The following ACTL8 variants were observed in gnomAD, a reference collection of about 807,000 sequenced individuals.
ACTL8 encodes actin-like protein 8.
ACTL8 carries 3 observed loss-of-function variants against 9.3 expected under a neutral mutation model. The observed-to-expected ratio is 0.32, with a 90% CI of 0.15 to 0.83. ACTL8 has a LOEUF of 0.83. Among genes scored for constraint, ACTL8 ranks in the 40% least tolerant of loss-of-function variants. The pLI is 0.57. For synonymous variants in ACTL8, 224 were observed against 205.9 expected (o/e 1.09, Z -0.75); for missense variants, 381 against 492.2 (o/e 0.77, Z 2.14).
chr1:17,814,119 TCAAC>T (rs2066409515), intron 1 of ACTL8, among the ~76,000 whole-genome samples: 1 of 152,240 alleles, frequency 6.6e-6, no homozygotes, highest in Non-Finnish European at 1.5e-5. Context: ...GACATTTTGA[TCAAC>T]CACAGATGGC....
intron 1 of ACTL8, among the ~76,000 whole-genome samples, chr1:17,779,596 A>T (rs2066140408): frequency 6.6e-6 from 1 of 152,194 alleles, no homozygotes; most frequent in Non-Finnish European, 1.5e-5. Context: ...CAAAGCGCTA[A>T]GATGAGCTGG....
intron 2 of ACTL8, among the ~76,000 whole-genome samples, chr1:17,824,068 G>C (rs1457775408): frequency 6.6e-6 from 1 of 152,164 alleles, no homozygotes; most frequent in East Asian, 1.9e-4. Context: ...GAACCTGTTT[G>C]AAGAGAGCGC....
intron 1 of ACTL8, among the ~76,000 whole-genome samples, chr1:17,821,798 G>A (rs1313230727): frequency 1.3e-5 from 2 of 152,068 alleles, no homozygotes; most frequent in African/African-American, 4.8e-5. Flanking sequence ...GCTAATTTTT[G>A]TACTTCTAGT....
Position 17,764,442 on chromosome 1 carries a change from C to T in ACTL8, c.-25+8938C>T, listed in dbSNP as rs1427822013. ...AACTGGGGGTTCACTTCTTTCCAGCCCAATGTTTCTTCTTATTGCTCTGTT... is the reference window on the plus strand; with the variant it reads ...AACTGGGGGTTCACTTCTTTCCAGCTCAATGTTTCTTCTTATTGCTCTGTT... On this transcript the variant is annotated intron_variant, in intron 1 of 2. Transcript: ENST00000375406. Among the ~76,000 whole-genome samples, 2 of 152,102 alleles carry T rather than the reference C, an allele frequency of 1.3e-5. 1 individual carries two copies. The highest frequency in any genetic ancestry group is 1.3e-4 in the Admixed American group (2 of 15,272).
intron 1 of ACTL8, among the ~76,000 whole-genome samples, chr1:17,803,832 G>A (rs1345523069): frequency 2.0e-5 from 3 of 152,184 alleles, no homozygotes; most frequent in East Asian, 1.9e-4. Context: ...GGACTTTTGA[G>A]CCAGCAAGAC....
intron 1 of ACTL8, among the ~76,000 whole-genome samples, chr1:17,821,714 C>T (rs1160105633): frequency 2.6e-5 from 4 of 152,028 alleles, no homozygotes; most frequent in African/African-American, 4.8e-5. Flanking sequence ...CTGCAACATC[C>T]GCCTCCCGGT....
At chr1:17,814,426 C>G (rs2066411660) in intron 1 of ACTL8, among the ~76,000 whole-genome samples, 1 of 152,162 alleles carries the variant, frequency 6.6e-6, no homozygotes, top group South Asian at 2.1e-4. Flanking sequence ...TAGCAAGACT[C>G]TATATCTACC....
In ACTL8 at chr1:17,787,307, G is replaced by A. The variant is rs1051572773; in HGVS notation, c.-25+31803G>A. Among the ~76,000 whole-genome samples the A allele has an allele frequency of 2.0e-5, 3 of 151,754 alleles. No homozygotes were observed. The South Asian group carries it at 6.3e-4, about 32-fold the overall frequency. On this transcript the variant is annotated intron_variant, in intron 1 of 2. Transcript: ENST00000375406. Reference sequence around the variant, plus strand: ...TTTGAGACAGTCTCATTCTGTCACTGGGGCTGGAGTGCAGTGGAGTTATCT... The same window carrying A: ...TTTGAGACAGTCTCATTCTGTCACTAGGGCTGGAGTGCAGTGGAGTTATCT...
intron 1 of ACTL8, among the ~76,000 whole-genome samples, chr1:17,792,737 C>T (rs1452904762): frequency 6.6e-6 from 1 of 152,156 alleles, no homozygotes; most frequent in African/African-American, 2.4e-5. Flanking sequence ...TCCTGCTCAT[C>T]GTGATGACTT....
intron 1 of ACTL8, among the ~76,000 whole-genome samples, chr1:17,791,694 G>A (rs745404900): frequency 2.6e-4 from 40 of 152,324 alleles, no homozygotes; most frequent in Admixed American, 1.6e-3. Context: ...TGGGCACCAG[G>A]CCCCGAAGCC....
intron 1 of ACTL8, among the ~76,000 whole-genome samples, chr1:17,761,009 G>GC (rs2065998117): frequency 6.6e-6 from 1 of 152,162 alleles, no homozygotes; most frequent in Non-Finnish European, 1.5e-5. Flanking sequence ...ATTGGAGGGA[G>GC]CCAGGTCCCT....
At chr1:17,782,514 A>G (rs1019787204) in intron 1 of ACTL8, among the ~76,000 whole-genome samples, 2 of 152,220 alleles carry the variant, frequency 1.3e-5, no homozygotes, top group Non-Finnish European at 2.9e-5. Context: ...ACCTGGGTAT[A>G]TGACCTTCTG....
At chr1:17,803,179 A>G (rs2066335664) in intron 1 of ACTL8, among the ~76,000 whole-genome samples, 1 of 151,908 alleles carries the variant, frequency 6.6e-6, no homozygotes, top group Non-Finnish European at 1.5e-5. Flanking sequence ...ACAAGATCTG[A>G]TTGTTTTATA....
chr1:17,814,554 A>G (rs1407815326), intron 1 of ACTL8, among the ~76,000 whole-genome samples: 1 of 152,164 alleles, frequency 6.6e-6, no homozygotes, highest in African/African-American at 2.4e-5. Flanking sequence ...ACAAGACAAT[A>G]CATACCATTA....
At position 17,803,788 on chromosome 1, in the gene ACTL8, G is replaced by A. The variant is rs150938449; in HGVS notation, c.-24-19197G>A. Among the ~76,000 whole-genome samples, 1,163 of 152,322 alleles carry A rather than the reference G, an allele frequency of 7.6e-3. 14 individuals are homozygous for A. The highest frequency in any genetic ancestry group is 0.027 in the African/African-American group (1,114 of 41,574). On this transcript the variant is annotated intron_variant, in intron 1 of 2. Coordinates refer to ENST00000375406, the MANE Select transcript of ACTL8 (RefSeq NM_030812.3). ...GACTGTAAAGGCAGACAGAGTGAGC[G>A]AGGGAGAGTGATAGGGAGTCTAAGC...
intron 1 of ACTL8, among the ~76,000 whole-genome samples, chr1:17,817,514 C>A (rs1162698076): frequency 3.9e-5 from 6 of 152,042 alleles, no homozygotes; most frequent in Non-Finnish European, 8.8e-5. Context: ...ACTTTCTCTG[C>A]TCGGTCCCGG....
chr1:17,825,006 T>C (rs1036672208), intron 2 of ACTL8, among the ~76,000 whole-genome samples: 2 of 149,442 alleles, frequency 1.3e-5, no homozygotes, highest in Non-Finnish European at 3.0e-5. Context: ...CACAGAAGGG[T>C]TGACTGTTAG....
chr1:17,795,420 A>C (rs895040331), intron 1 of ACTL8, among the ~76,000 whole-genome samples: 4 of 152,254 alleles, frequency 2.6e-5, no homozygotes, highest in African/African-American at 9.6e-5. Flanking sequence ...ACTGCCTTGC[A>C]GGGTTCGTGT....
intron 1 of ACTL8, among the ~76,000 whole-genome samples, chr1:17,797,634 G>A (rs570184465): frequency 6.6e-6 from 1 of 152,342 alleles, no homozygotes; most frequent in Non-Finnish European, 1.5e-5. Context: ...TCAGAATGCA[G>A]TGTAGTGTGC....
Sources: gnomAD v4.1 joint callset for allele counts (sites outside exome capture counted in the v4.1 genomes callset) on GRCh38, gnomAD v4.1.1 for gene constraint, MANE v1.5 for transcripts, NCBI Gene and HGNC (gene_info 2026-07-23, HGNC 2026-07-21) for gene names.